Variants in CDH13 observed in about 807,000 individuals in gnomAD.
CDH13 encodes the protein cadherin-13.
In CDH13, 24 loss-of-function variants were observed where a neutral mutation model predicts 63.8. The observed-to-expected ratio is 0.38, with a 90% CI of 0.27 to 0.53. The LOEUF is 0.53. Among genes scored for constraint, CDH13 ranks in the 20% least tolerant of loss-of-function variants. The pLI is 0.85. For missense variants in CDH13, 1,049 were observed against 903.1 expected, an observed-to-expected ratio of 1.16 and a Z score of -2.07; for synonymous variants, 503 against 355.3, an observed-to-expected ratio of 1.42 and a Z score of -4.67.
chr16:83,480,067 G>A (rs888815617), intron 6 of CDH13, among the ~76,000 whole-genome samples: 1 of 152,206 alleles, frequency 6.6e-6, no homozygotes, highest in Non-Finnish European at 1.5e-5. Context: ...GCTCACATCT[G>A]TAATCCCAGC....
chr16:83,513,970 A>G (rs78092720), intron 7 of CDH13, among the ~76,000 whole-genome samples: 2,115 of 152,320 alleles, frequency 0.014, 48 homozygotes, highest in African/African-American at 0.048. Flanking sequence ...CATCTGTCCA[A>G]TAGAGACTGT....
chr16:83,025,025 A>T (rs1044478476), intron 2 of CDH13, among the ~76,000 whole-genome samples: 1 of 152,198 alleles, frequency 6.6e-6, no homozygotes, highest in African/African-American at 2.4e-5. Context: ...AGAAGGAATG[A>T]CAGAGGAGGA....
intron 3 of CDH13, among the ~76,000 whole-genome samples, chr16:83,043,490 A>AGTGTGTGTGT (rs67312035): frequency 1.2e-4 from 16 of 132,098 alleles, no homozygotes; most frequent in African/African-American, 3.9e-4. Flanking sequence ...TGTATATATG[A>AGTGTGTGTGT]GTGTGTGTGT....
intron 1 of CDH13, among the ~76,000 whole-genome samples, chr16:82,717,759 T>G (rs973314365): frequency 6.6e-6 from 1 of 152,216 alleles, no homozygotes; most frequent in East Asian, 1.9e-4. Flanking sequence ...TGGCCACATC[T>G]GCAATGTCTT....
intron 6 of CDH13, among the ~76,000 whole-genome samples, chr16:83,473,127 T>A (rs889064176): frequency 6.6e-6 from 1 of 152,196 alleles, no homozygotes; most frequent in Non-Finnish European, 1.5e-5. Context: ...CTAATAGAGA[T>A]CCTTCATCAA....
chr16:83,431,347 C>A (rs1157742593), intron 6 of CDH13, among the ~76,000 whole-genome samples: 2 of 151,804 alleles, frequency 1.3e-5, no homozygotes, highest in East Asian at 2.0e-4. Context: ...GGTTAGAGTT[C>A]TTTTACGATC....
intron 4 of CDH13, among the ~76,000 whole-genome samples, chr16:83,138,884 G>A (rs918347189): frequency 2.0e-5 from 3 of 152,138 alleles, no homozygotes; most frequent in Admixed American, 6.5e-5. Flanking sequence ...AAGGGCCATG[G>A]TGGGGGATAC....
intron 3 of CDH13, among the ~76,000 whole-genome samples, chr16:83,064,180 C>G (rs893090649): frequency 2.0e-5 from 3 of 152,058 alleles, no homozygotes; most frequent in South Asian, 2.1e-4. Flanking sequence ...AACAGTCTGG[C>G]CCACATGATG....
At chr16:83,188,772 T>C (rs2038606527) in intron 4 of CDH13, among the ~76,000 whole-genome samples, 1 of 152,258 alleles carries the variant, frequency 6.6e-6, no homozygotes, top group African/African-American at 2.4e-5. Context: ...GTGGTTAGGA[T>C]TAATGACCAA....
At chr16:83,532,915 G>A (rs1417594806) in intron 7 of CDH13, among the ~76,000 whole-genome samples, 2 of 152,208 alleles carry the variant, frequency 1.3e-5, no homozygotes, top group East Asian at 1.9e-4. Flanking sequence ...CCCTGCATCT[G>A]AGCAGCGTGG....
rs1397728786 is a variant in CDH13, at chr16:82,943,817, A to T, written c.157+85344A>T. The stretch of plus-strand genomic sequence containing the variant: ...CTTGAGGGAAACAAGACAAAATGCT[A>T]TTAATAATGACTTAGTTTTCTTTGT... On this transcript the variant is annotated intron_variant, in intron 2 of 13. Transcript: ENST00000567109. 2.0e-5 allele frequency among the ~76,000 whole-genome samples: 3 copies of T among 152,214 alleles called. No homozygotes were observed. In the South Asian group the frequency reaches 6.2e-4, roughly 31 times the overall value.
At chr16:83,032,641 A>G (rs749843202) in intron 3 of CDH13, among the ~76,000 whole-genome samples, 30 of 152,192 alleles carry the variant, frequency 2.0e-4, no homozygotes, top group Non-Finnish European at 5.9e-5. Flanking sequence ...TCTCTTCAAG[A>G]CGATGCTAGC....
At chr16:83,646,708 A>C (rs1373908375) in intron 8 of CDH13, among the ~76,000 whole-genome samples, 3,937 of 91,222 alleles carry the variant, frequency 0.043, 232 homozygotes, top group African/African-American at 0.13. Flanking sequence ...AAAAAAAAAA[A>C]AAAAACACAC....
At chr16:82,685,434 G>A (rs1445384555) in intron 1 of CDH13, among the ~76,000 whole-genome samples, 1 of 152,164 alleles carries the variant, frequency 6.6e-6, no homozygotes, top group Non-Finnish European at 1.5e-5. Context: ...CAAAGGCCCT[G>A]CCTCCTAACA....
intron 6 of CDH13, among the ~76,000 whole-genome samples, chr16:83,381,997 C>G (rs929589932): frequency 2.0e-5 from 3 of 152,302 alleles, no homozygotes; most frequent in Admixed American, 1.3e-4. Context: ...ACAGGAACGA[C>G]GAAAAAGTCT....
At position 83,143,950 on chromosome 16, in the gene CDH13, C is replaced by G. The variant is rs528040699; in HGVS notation, c.483+18449C>G. 5.1e-4 allele frequency among the ~76,000 whole-genome samples: 77 copies of G among 152,210 alleles called. 1 individual carries two copies. Among genetic ancestry groups the G allele is most frequent in the Admixed American group, 3.3e-3 (50 of 15,292 alleles). On this transcript the variant is annotated intron_variant, in intron 4 of 13. Transcript: ENST00000567109. ...CTAGAATCAACATAGTGAGACGAGACAGAAGGCTGGTGGTTGCTGCTCTGC... is the reference window on the plus strand; with the variant it reads ...CTAGAATCAACATAGTGAGACGAGAGAGAAGGCTGGTGGTTGCTGCTCTGC...
At chr16:83,050,620 C>G (rs184867410) in intron 3 of CDH13, among the ~76,000 whole-genome samples, 1 of 152,150 alleles carries the variant, frequency 6.6e-6, no homozygotes, top group Non-Finnish European at 1.5e-5. Context: ...TCCAACCTAG[C>G]AGCTTTAAAG....
chr16:82,975,970 A>T (rs1442457435), intron 2 of CDH13, among the ~76,000 whole-genome samples: 1 of 152,218 alleles, frequency 6.6e-6, no homozygotes, highest in Non-Finnish European at 1.5e-5. Context: ...GCATGAAGGG[A>T]GAGAATAACA....
intron 2 of CDH13, among the ~76,000 whole-genome samples, chr16:82,888,880 T>A (rs1161193051): frequency 6.6e-6 from 1 of 152,222 alleles, no homozygotes; most frequent in Non-Finnish European, 1.5e-5. Flanking sequence ...AATGTCTGTC[T>A]TGAGCAAGCT....
Sources: allele counts gnomAD v4.1 joint callset (sites outside exome capture counted in the v4.1 genomes callset), GRCh38; gene constraint gnomAD v4.1.1; transcripts MANE v1.5; gene names NCBI Gene and HGNC (gene_info 2026-07-23, HGNC 2026-07-21).